Variants in GRM7 observed in about 807,000 individuals in gnomAD.
GRM7 encodes the protein glutamate metabotropic receptor 7, also known as metabotropic glutamate receptor 7.
Under a neutral mutation model 84.5 loss-of-function variants are expected in GRM7, and 35 were observed. The observed-to-expected ratio is 0.41, with a 90% confidence interval of 0.32 to 0.55. The LOEUF (loss-of-function observed/expected upper bound fraction) is 0.55, where lower values mean the gene tolerates loss of function less well. Ranked by LOEUF, GRM7 falls within the 20% of genes least tolerant of loss-of-function variation. The pLI, the probability that GRM7 is intolerant of heterozygous loss-of-function variation, is 0.19. For missense variants in GRM7, 1,003 were observed against 1,194.6 expected (o/e 0.84, Z 2.36); for synonymous variants, 487 against 455.1 (o/e 1.07, Z -0.89).
At chr3:7,302,971 C>T (rs951892403) in intron 3 of GRM7, among the ~76,000 whole-genome samples, 4 of 136,332 alleles carry the variant, frequency 2.9e-5, no homozygotes, top group Admixed American at 7.7e-5. Flanking sequence ...GACAGAGTCT[C>T]GCTCTGTTGC....
At chr3:6,991,340 T>C (rs1438129129) in intron 1 of GRM7, among the ~76,000 whole-genome samples, 2 of 152,224 alleles carry the variant, frequency 1.3e-5, no homozygotes, top group Non-Finnish European at 2.9e-5. Flanking sequence ...CCCACCGGAC[T>C]GATTGCTTTC....
At chr3:6,934,335 G>T (rs80178178) in intron 1 of GRM7, among the ~76,000 whole-genome samples, 1 of 151,580 alleles carries the variant, frequency 6.6e-6, no homozygotes, top group African/African-American at 2.4e-5. Flanking sequence ...TTTTAATATC[G>T]TTTCTGTACC....
chr3:7,224,841 G>C (rs376266556), intron 2 of GRM7, among the ~76,000 whole-genome samples: 2 of 152,068 alleles, frequency 1.3e-5, no homozygotes, highest in Non-Finnish European at 2.9e-5. Context: ...AGTTGAATGC[G>C]TGCACCTAAG....
intron 1 of GRM7, among the ~76,000 whole-genome samples, chr3:6,932,232 A>G (rs1162094733): frequency 6.6e-6 from 1 of 152,230 alleles, no homozygotes; most frequent in African/African-American, 2.4e-5. Context: ...AAGAAATATA[A>G]AGGATACTTT....
chr3:7,242,649 T>C, intron 2 of GRM7, among the ~76,000 whole-genome samples: 1 of 152,004 alleles, frequency 6.6e-6, no homozygotes, highest in East Asian at 1.9e-4. Flanking sequence ...ATGTGTGGAG[T>C]TTTGAATGTA....
Position 7,578,966 on chromosome 3 carries a change from G to A in GRM7, c.2060G>A (p.Gly687Asp). Residue 687 changes from glycine (G) to aspartate (D), a missense_variant, in exon 8 of 10, where the codon GGC becomes GAC. This residue lies in a region of GRM7 where 910 missense variants were observed against 1,126.0 expected (regional missense o/e 0.81). Coordinates refer to ENST00000357716, the MANE Select transcript of GRM7 (RefSeq NM_000844.4). ...CGGATTTATCGCATATTTGAGCAGG[G>A]CAAGAAATCAGTAACAGCTCCCAGA... Reference protein sequence around the residue: ...TNRIYRIFEQGKKSVTAPRLI... With the variant: ...TNRIYRIFEQDKKSVTAPRLI... 6.2e-7 allele frequency: 1 copy of A among 1,614,062 alleles called. No homozygotes were observed. The highest frequency in any genetic ancestry group is 8.5e-7 in the Non-Finnish European group (1 of 1,180,010).
At chr3:6,961,931 A>G (rs1033651068) in intron 1 of GRM7, among the ~76,000 whole-genome samples, 3 of 152,168 alleles carry the variant, frequency 2.0e-5, no homozygotes, top group Non-Finnish European at 4.4e-5. Context: ...AAATAAACTA[A>G]CTACAAACTT....
At chr3:7,339,221 A>C (rs1701542584) in intron 4 of GRM7, among the ~76,000 whole-genome samples, 1 of 152,088 alleles carries the variant, frequency 6.6e-6, no homozygotes, top group South Asian at 2.1e-4. Flanking sequence ...GGCCATTCAA[A>C]ATTTGCTTGG....
At chr3:6,963,470 G>T (rs1038973660) in intron 1 of GRM7, among the ~76,000 whole-genome samples, 1 of 152,162 alleles carries the variant, frequency 6.6e-6, no homozygotes, top group Non-Finnish European at 1.5e-5. Context: ...AGAAGAGAAT[G>T]CACTAATAAC....
chr3:7,010,307 A>C (rs1695328216), intron 1 of GRM7, among the ~76,000 whole-genome samples: 1 of 152,174 alleles, frequency 6.6e-6, no homozygotes, highest in African/African-American at 2.4e-5. Flanking sequence ...AAAAAAAATT[A>C]GCCAGGCATG....
At chr3:7,066,755 A>G (rs748595310) in intron 1 of GRM7, among the ~76,000 whole-genome samples, 24 of 152,036 alleles carry the variant, frequency 1.6e-4, no homozygotes, top group Non-Finnish European at 1.5e-4. Context: ...CTCAGTGAGC[A>G]CAGATGCTAA....
chr3:7,573,644 C>T (rs1694815112), intron 7 of GRM7, among the ~76,000 whole-genome samples: 1 of 152,192 alleles, frequency 6.6e-6, no homozygotes, highest in Non-Finnish European at 1.5e-5. Context: ...TAGAGCCAGA[C>T]ACCATTTTTT....
intron 9 of GRM7, among the ~76,000 whole-genome samples, chr3:7,685,768 A>G (rs897090517): frequency 5.3e-5 from 8 of 151,786 alleles, no homozygotes; most frequent in South Asian, 2.1e-4. Flanking sequence ...AGGACTGTCA[A>G]TATAAGGAGG....
chr3:7,257,282 G>T (rs1698244402), intron 2 of GRM7, among the ~76,000 whole-genome samples: 1 of 152,126 alleles, frequency 6.6e-6, no homozygotes, highest in African/African-American at 2.4e-5. Context: ...TCTACATGTT[G>T]TCCATTATAT....
chr3:7,010,458 A>G (rs1445381642), intron 1 of GRM7, among the ~76,000 whole-genome samples: 1 of 152,180 alleles, frequency 6.6e-6, no homozygotes, highest in African/African-American at 2.4e-5. Context: ...CCTCTCTCTA[A>G]AAAGAAAAGT....
intron 1 of GRM7, among the ~76,000 whole-genome samples, chr3:7,063,781 G>GA (rs1169662501): frequency 6.6e-6 from 1 of 151,604 alleles, no homozygotes; most frequent in African/African-American, 2.4e-5. Flanking sequence ...AGTAACACAA[G>GA]AAAAAATATT....
At chr3:7,311,430 T>C (rs558569945) in intron 4 of GRM7, among the ~76,000 whole-genome samples, 1 of 150,518 alleles carries the variant, frequency 6.6e-6, no homozygotes, top group East Asian at 1.9e-4. Context: ...TAGGCTAAGC[T>C]ACATAGTGGC....
At chr3:7,267,154 C>A (rs1336855249) in intron 2 of GRM7, among the ~76,000 whole-genome samples, 7 of 152,142 alleles carry the variant, frequency 4.6e-5, no homozygotes, top group Admixed American at 4.6e-4. Flanking sequence ...AATTGCTTCT[C>A]TGTAGAAAAT....
In GRM7 at chr3:6,941,786, G is replaced by A. The variant is rs115330361; in HGVS notation, c.519+79879G>A. Among the ~76,000 whole-genome samples, 472 of 152,066 alleles carry A rather than the reference G, an allele frequency of 3.1e-3. 2 individuals are homozygous for A. Among genetic ancestry groups the A allele is most frequent in the African/African-American group, 0.011 (442 of 41,488 alleles). On this transcript the variant is annotated intron_variant, in intron 1 of 9. Transcript: ENST00000357716. ...TAAGTATCAATTCATATATTCATGAGGCATTTGTTGGTGTGGTATTGATCT... is the reference window on the plus strand; with the variant it reads ...TAAGTATCAATTCATATATTCATGAAGCATTTGTTGGTGTGGTATTGATCT...
Sources: allele counts gnomAD v4.1 joint callset (sites outside exome capture counted in the v4.1 genomes callset), GRCh38; gene constraint gnomAD v4.1.1; regional missense constraint gnomAD v4.1.1; transcripts MANE v1.5; gene names NCBI Gene and HGNC (gene_info 2026-07-23, HGNC 2026-07-21).